DLGAP1: variants seen among roughly 807,000 people sequenced by gnomAD.
DLGAP1 encodes DLG associated protein 1.
Under a neutral mutation model 90.8 loss-of-function variants are expected in DLGAP1, and 11 were observed. That is an observed-to-expected ratio of 0.12 (90% CI 0.08 to 0.20). The LOEUF (loss-of-function observed/expected upper bound fraction) is 0.20, where lower values mean the gene tolerates loss of function less well. Among genes scored for constraint, DLGAP1 ranks in the 10% least tolerant of loss-of-function variants. The pLI is 1.00. For synonymous variants in DLGAP1, 558 were observed against 540.7 expected, an observed-to-expected ratio of 1.03 and a Z score of -0.44; for missense variants, 1,050 against 1,333.8, an observed-to-expected ratio of 0.79 and a Z score of 3.31.
intron 1 of DLGAP1, among the ~76,000 whole-genome samples, chr18:4,335,173 G>A (rs1163088757): frequency 6.6e-6 from 1 of 151,900 alleles, no homozygotes; most frequent in Admixed American, 6.6e-5. Context: ...TATCCCAATA[G>A]GAGCATATTT....
intron 7 of DLGAP1, among the ~76,000 whole-genome samples, chr18:3,676,376 C>A (rs765267509): frequency 8.5e-5 from 13 of 152,204 alleles, no homozygotes; most frequent in Non-Finnish European, 1.6e-4. Flanking sequence ...CAGGTCCTCT[C>A]GGAAGACCCT....
rs755631270 is a variant in DLGAP1 at position 3,727,274 on chromosome 18, T to C, written c.1591+1861A>G. Among the ~76,000 whole-genome samples the C allele has an allele frequency of 2.2e-4, 34 of 152,104 alleles. No homozygotes were observed. The highest frequency in any genetic ancestry group is 1.6e-3 in the Admixed American group (24 of 15,272). On this transcript the variant is annotated intron_variant, in intron 7 of 12. Coordinates refer to ENST00000315677, the MANE Select transcript of DLGAP1 (RefSeq NM_004746.4). The surrounding 1 kb of genome is among the most constrained non-coding windows in gnomAD (Gnocchi z 4.7). ...AAGTGTCTTAGGAGGGCAGACCCCA[T>C]GTGTGTTTGGAGTGAAGAGCATGGG... is the stretch of plus-strand genomic sequence containing the variant.
chr18:4,242,935 A>C (rs995330539), intron 1 of DLGAP1, among the ~76,000 whole-genome samples: 13 of 152,122 alleles, frequency 8.5e-5, no homozygotes, highest in Non-Finnish European at 1.9e-4. Context: ...CCCAAAGAGT[A>C]CTCACTATGA....
chr18:4,452,409 T>G (rs1259455798), intron 1 of DLGAP1, among the ~76,000 whole-genome samples: 1 of 152,112 alleles, frequency 6.6e-6, no homozygotes, highest in Admixed American at 6.5e-5. Context: ...TTAGTGAATA[T>G]TGCTCATATT....
chr18:4,422,555 T>G (rs546753113), intron 1 of DLGAP1, among the ~76,000 whole-genome samples: 2 of 152,100 alleles, frequency 1.3e-5, no homozygotes, highest in South Asian at 4.1e-4. Flanking sequence ...TCAAAGTACA[T>G]TTATAATTCT....
chr18:3,992,154 T>C (rs72868216), intron 3 of DLGAP1, among the ~76,000 whole-genome samples: 8,317 of 152,288 alleles, frequency 0.055, 285 homozygotes, highest in Non-Finnish European at 0.079. Context: ...GTTTGCCTCA[T>C]TATATTGGTT....
chr18:4,267,743 T>C lies in DLGAP1; in HGVS notation c.-266-116456A>G, dbSNP rs368183173. ...GTGAAGCTGTCAGCTGGGGCTGCAG[T>C]CATCTGACAACTAGGCTGTGGCACA... On this transcript the variant is annotated intron_variant, in intron 1 of 12. Coordinates refer to ENST00000315677, the MANE Select transcript of DLGAP1 (RefSeq NM_004746.4). Among the ~76,000 whole-genome samples, 8 of 152,260 alleles carry C rather than the reference T, an allele frequency of 5.3e-5. No homozygotes were observed. The East Asian group carries it at 1.5e-3, about 29-fold the overall frequency.
At chr18:4,053,772 G>A (rs1398679737) in intron 2 of DLGAP1, among the ~76,000 whole-genome samples, 3 of 152,064 alleles carry the variant, frequency 2.0e-5, no homozygotes, top group Non-Finnish European at 4.4e-5. Context: ...AACTACTCAG[G>A]TAGTTCTTTA....
intron 7 of DLGAP1, among the ~76,000 whole-genome samples, chr18:3,695,087 C>G (rs556114422): frequency 4.0e-5 from 6 of 151,816 alleles, no homozygotes; most frequent in Admixed American, 2.6e-4. Flanking sequence ...CTACAGGCAC[C>G]CACCATTATG....
At chr18:4,148,501 C>A (rs1270672648) in intron 2 of DLGAP1, among the ~76,000 whole-genome samples, 1 of 152,202 alleles carries the variant, frequency 6.6e-6, no homozygotes, top group African/African-American at 2.4e-5. Context: ...GGCAATTACA[C>A]TGTTCAGGTG....
chr18:3,657,671 C>T (rs567738087), intron 7 of DLGAP1, among the ~76,000 whole-genome samples: 107 of 149,244 alleles, frequency 7.2e-4, no homozygotes, highest in Non-Finnish European at 1.0e-3. Context: ...GGCGCGATCT[C>T]GGCTCACTGC....
At chr18:4,115,961 T>C (rs1278896976) in intron 2 of DLGAP1, among the ~76,000 whole-genome samples, 1 of 152,242 alleles carries the variant, frequency 6.6e-6, no homozygotes, top group East Asian at 1.9e-4. Flanking sequence ...TCTTTCTTAC[T>C]GACCTACATC....
At chr18:4,225,692 C>G (rs905335110) in intron 1 of DLGAP1, among the ~76,000 whole-genome samples, 1 of 151,546 alleles carries the variant, frequency 6.6e-6, no homozygotes, top group Non-Finnish European at 1.5e-5. Flanking sequence ...ACCAGTAGAG[C>G]TGATCAAGCA....
chr18:3,904,934 T>C (rs2071863469), intron 3 of DLGAP1, among the ~76,000 whole-genome samples: 1 of 152,032 alleles, frequency 6.6e-6, no homozygotes, highest in African/African-American at 2.4e-5. Flanking sequence ...CTACTGAATA[T>C]GCATGGCTTT....
chr18:4,291,804 A>T (rs1322683356), intron 1 of DLGAP1, among the ~76,000 whole-genome samples: 1 of 152,214 alleles, frequency 6.6e-6, no homozygotes, highest in East Asian at 1.9e-4. Flanking sequence ...ATGAATATTG[A>T]TAATCATAAA....
chr18:4,072,927 C>T (rs565241504), intron 2 of DLGAP1, among the ~76,000 whole-genome samples: 4 of 152,188 alleles, frequency 2.6e-5, no homozygotes, highest in African/African-American at 4.8e-5. Flanking sequence ...CATAGGGTCC[C>T]GGAGTTAGTA....
intron 7 of DLGAP1, among the ~76,000 whole-genome samples, chr18:3,671,449 C>T (rs1417676792): frequency 6.6e-6 from 1 of 152,216 alleles, no homozygotes; most frequent in Non-Finnish European, 1.5e-5. Flanking sequence ...GTGCCTGGCA[C>T]ACGTTAGGTG....
intron 1 of DLGAP1, chr18:4,264,981 T>C (rs1016308865): frequency 6.6e-6 from 1 of 152,222 alleles, no homozygotes; most frequent in African/African-American, 2.4e-5. Context: ...CTCCCCTGCC[T>C]AGCCAAAACA....
chr18:4,233,789 AG>A (rs2145072245), intron 1 of DLGAP1, among the ~76,000 whole-genome samples: 1 of 152,322 alleles, frequency 6.6e-6, no homozygotes, highest in African/African-American at 2.4e-5. Context: ...AAAGCTGTAT[AG>A]GAAACAGATA....
Sources: gnomAD v4.1 joint callset for allele counts (sites outside exome capture counted in the v4.1 genomes callset) on GRCh38, gnomAD v4.1.1 for gene constraint, Gnocchi (gnomAD v3.1) non-coding constraint, MANE v1.5 for transcripts, NCBI Gene and HGNC (gene_info 2026-07-23, HGNC 2026-07-21) for gene names.